Variants in ATRNL1 observed in about 807,000 individuals in gnomAD.
The protein encoded by ATRNL1 is attractin-like protein 1.
ATRNL1 carries 95 observed loss-of-function variants against 182.7 expected under a neutral mutation model. The observed-to-expected ratio is 0.52, with a 90% CI of 0.44 to 0.62. The LOEUF is 0.62. Ranked by LOEUF, ATRNL1 falls within the 20% of genes least tolerant of loss-of-function variation. The pLI, the probability that ATRNL1 is intolerant of heterozygous loss-of-function variation, is 0.00. For synonymous variants in ATRNL1, 576 were observed against 568.3 expected, an observed-to-expected ratio of 1.01 and a Z score of -0.19; for missense variants, 1,471 against 1,679.5, an observed-to-expected ratio of 0.88 and a Z score of 2.17.
chr10:115,557,205 T>C (rs1369934920), intron 26 of ATRNL1, among the ~76,000 whole-genome samples: 1 of 152,146 alleles, frequency 6.6e-6, no homozygotes, highest in Non-Finnish European at 1.5e-5. Context: ...AATGTTAAGT[T>C]TGGTACATCT....
At chr10:115,177,066 G>A (rs1847539424) in intron 8 of ATRNL1, among the ~76,000 whole-genome samples, 1 of 152,062 alleles carries the variant, frequency 6.6e-6, no homozygotes, top group African/African-American at 2.4e-5. Flanking sequence ...AAGAGGTAGG[G>A]GAGAAAAGGA....
intron 10 of ATRNL1, among the ~76,000 whole-genome samples, chr10:115,254,955 G>A (rs1249900052): frequency 4.6e-5 from 7 of 152,148 alleles, no homozygotes; most frequent in Admixed American, 4.6e-4. Context: ...TAGATGTGTA[G>A]TATTATTTCT....
intron 13 of ATRNL1, among the ~76,000 whole-genome samples, chr10:115,270,773 C>T (rs1490853620): frequency 3.3e-5 from 5 of 152,064 alleles, no homozygotes; most frequent in Admixed American, 1.3e-4. Context: ...TCCAGAACTG[C>T]CCCCTACAGA....
intron 26 of ATRNL1, among the ~76,000 whole-genome samples, chr10:115,656,109 C>T (rs1340809123): frequency 1.3e-5 from 2 of 152,168 alleles, no homozygotes; most frequent in Admixed American, 1.3e-4. Context: ...TGATCTCCAA[C>T]AGTATTATTG....
chr10:115,858,512 G>A (rs1197541386), intron 28 of ATRNL1, among the ~76,000 whole-genome samples: 1 of 152,156 alleles, frequency 6.6e-6, no homozygotes, highest in Non-Finnish European at 1.5e-5. Context: ...AAATAGTGAG[G>A]GGAACAACAT....
intron 24 of ATRNL1, among the ~76,000 whole-genome samples, chr10:115,495,890 TTGA>T (rs1191601619): frequency 6.6e-6 from 1 of 152,184 alleles, no homozygotes; most frequent in Non-Finnish European, 1.5e-5. Context: ...GTTTTCTGCC[TTGA>T]TGATCTGTCT....
chr10:115,268,555 A>G (rs1851704815), intron 13 of ATRNL1, 111 bp downstream of exon 13: 4 of 740,246 alleles, frequency 5.4e-6, no homozygotes, highest in Non-Finnish European at 9.6e-6. Context: ...ACATTAAGAC[A>G]TTTAGAAAGT....
At chr10:115,506,425 G>T (rs1850114907) in intron 24 of ATRNL1, among the ~76,000 whole-genome samples, 1 of 151,972 alleles carries the variant, frequency 6.6e-6, no homozygotes, top group Non-Finnish European at 1.5e-5. Flanking sequence ...AGACCAGCTG[G>T]TTCTTAAACT....
At chr10:115,454,243 C>T (rs634209) in intron 21 of ATRNL1, among the ~76,000 whole-genome samples, 15,155 of 151,934 alleles carry the variant, frequency 0.1, 2,494 homozygotes, top group African/African-American at 0.34. Flanking sequence ...TTCTTTACCC[C>T]GTTACATTTA....
chr10:115,704,274 C>G (rs782008072), intron 26 of ATRNL1, among the ~76,000 whole-genome samples: 2 of 151,836 alleles, frequency 1.3e-5, no homozygotes, highest in African/African-American at 2.4e-5. Context: ...TCCCTTTGAT[C>G]TTTGCCTTCT....
Position 115,429,715 on chromosome 10 carries a change from C to T in ATRNL1, c.3322+3413C>T, listed in dbSNP as rs893568355. Among the ~76,000 whole-genome samples the T allele has an allele frequency of 7.2e-5, 11 of 152,108 alleles. No individual in the cohort carries two copies. The South Asian group carries it at 1.2e-3, about 17-fold the overall frequency. On this transcript the variant is annotated intron_variant, in intron 21 of 28. Coordinates refer to ENST00000355044, the MANE Select transcript of ATRNL1 (RefSeq NM_207303.4). Reference sequence around the variant, plus strand: ...AGAATATTTTTAGTATGAAAGAAGACGATCTCTTTTTTGAATGTTATTTTT... The same window carrying T: ...AGAATATTTTTAGTATGAAAGAAGATGATCTCTTTTTTGAATGTTATTTTT...
intron 21 of ATRNL1, among the ~76,000 whole-genome samples, chr10:115,453,698 C>CA (rs550642199): frequency 0.011 from 1,578 of 143,044 alleles, 20 homozygotes; most frequent in Non-Finnish European, 0.013. Context: ...ATCGCGAGGA[C>CA]AAAAAACCAA....
intron 19 of ATRNL1, among the ~76,000 whole-genome samples, chr10:115,350,337 A>AAAAAAAC: frequency 9.0e-6 from 1 of 110,728 alleles, no homozygotes; most frequent in Non-Finnish European, 2.0e-5. Flanking sequence ...TCTGTCTCAA[A>AAAAAAAC]AAAAAAAAGA....
At chr10:115,891,319 A>G (rs1200541951) in intron 28 of ATRNL1, among the ~76,000 whole-genome samples, 1 of 152,200 alleles carries the variant, frequency 6.6e-6, no homozygotes, top group Non-Finnish European at 1.5e-5. Flanking sequence ...AGGGAGGCCA[A>G]CTGTTATCTC....
chr10:115,250,804 T>A lies in ATRNL1; in HGVS notation c.1687+9079T>A, dbSNP rs191181167. Among the ~76,000 whole-genome samples the A allele has an allele frequency of 2.0e-5, 3 of 152,330 alleles. 1 individual carries two copies. Among genetic ancestry groups the A allele is most frequent in the Admixed American group, 2.0e-4 (3 of 15,306 alleles). ...TTTTCCATCCTTTGAAGCATATGTC[T>A]TAAGAAGGTCTCTGTTGCATTATTC... is the stretch of plus-strand genomic sequence containing the variant. On this transcript the variant is annotated intron_variant, in intron 10 of 28. Transcript: ENST00000355044.
intron 19 of ATRNL1, among the ~76,000 whole-genome samples, chr10:115,347,539 A>G (rs1856031613): frequency 6.6e-6 from 1 of 152,112 alleles, no homozygotes; most frequent in South Asian, 2.1e-4. Flanking sequence ...TAAAACTAGT[A>G]AATATACTTA....
At chr10:115,614,417 A>G (rs1242414438) in intron 26 of ATRNL1, among the ~76,000 whole-genome samples, 3 of 152,032 alleles carry the variant, frequency 2.0e-5, no homozygotes, top group Non-Finnish European at 2.9e-5. Flanking sequence ...ATTTTTCAAT[A>G]TTTGTTGATG....
At chr10:115,326,685 A>C (rs1389099406) in intron 18 of ATRNL1, among the ~76,000 whole-genome samples, 1 of 151,940 alleles carries the variant, frequency 6.6e-6, no homozygotes, top group Admixed American at 6.6e-5. Context: ...TTCAAACTAT[A>C]CTACAAGGCT....
At chr10:115,835,117 A>G (rs1950640503) in intron 27 of ATRNL1, among the ~76,000 whole-genome samples, 1 of 152,108 alleles carries the variant, frequency 6.6e-6, no homozygotes, top group South Asian at 2.1e-4. Flanking sequence ...TCCAAGAGAC[A>G]ATATGACTTA....
Sources: allele counts gnomAD v4.1 joint callset (sites outside exome capture counted in the v4.1 genomes callset), GRCh38; gene constraint gnomAD v4.1.1; transcripts MANE v1.5; gene names NCBI Gene and HGNC (gene_info 2026-07-23, HGNC 2026-07-21).